The following TOM1 variants were observed in gnomAD, a reference collection of about 807,000 sequenced individuals.
TOM1 encodes the protein target of Myb protein 1.
Under a neutral mutation model 61.3 loss-of-function variants are expected in TOM1, and 38 were observed. That is an observed-to-expected ratio of 0.62 (90% CI 0.48 to 0.81). The LOEUF is 0.81. TOM1 is among the 40% of genes least tolerant of loss of function. The pLI, the probability that TOM1 is intolerant of heterozygous loss-of-function variation, is 0.00. For synonymous variants in TOM1, 270 were observed against 268.8 expected, an observed-to-expected ratio of 1.00 and a Z score of -0.04; for missense variants, 591 against 659.6, an observed-to-expected ratio of 0.90 and a Z score of 1.14.
At chr22:35,310,570 G>A (rs1264411942) in intron 1 of TOM1, among the ~76,000 whole-genome samples, 1 of 152,244 alleles carries the variant, frequency 6.6e-6, no homozygotes, top group Non-Finnish European at 1.5e-5. Flanking sequence ...AATGTATTCA[G>A]AGGATTGCAA....
At chr22:35,321,372 G>A (rs1469209546) in intron 2 of TOM1, among the ~76,000 whole-genome samples, 1 of 149,646 alleles carries the variant, frequency 6.7e-6, no homozygotes, top group Non-Finnish European at 1.5e-5. Flanking sequence ...TTGTTTTTTT[G>A]AGACAGGGTC....
chr22:35,343,684 C>A (rs1930206475), intron 12 of TOM1, among the ~76,000 whole-genome samples: 1 of 136,784 alleles, frequency 7.3e-6, no homozygotes, highest in African/African-American at 2.7e-5. Flanking sequence ...ACACACACCA[C>A]ACCTACACAC....
chr22:35,345,344 G>A (rs1490210094), intron 12 of TOM1: 1 of 272,200 alleles, frequency 3.7e-6, no homozygotes, highest in Admixed American at 4.4e-5. Flanking sequence ...CCCTGGGCTT[G>A]GCGTGTCTTT....
At chr22:35,325,962 G>A (rs891865494) in intron 6 of TOM1, among the ~76,000 whole-genome samples, 1 of 152,198 alleles carries the variant, frequency 6.6e-6, no homozygotes, top group Non-Finnish European at 1.5e-5. Context: ...CATACCAAGA[G>A]TGTTCATTAA....
At chr22:35,305,360 G>T (rs1228893998) in intron 1 of TOM1, among the ~76,000 whole-genome samples, 2 of 152,184 alleles carry the variant, frequency 1.3e-5, no homozygotes, top group Non-Finnish European at 2.9e-5. Flanking sequence ...ATGCCAGAGG[G>T]AAGAAAGAAA....
At chr22:35,301,593 A>C (rs1275239357) in intron 1 of TOM1, among the ~76,000 whole-genome samples, 1 of 152,212 alleles carries the variant, frequency 6.6e-6, no homozygotes, top group Non-Finnish European at 1.5e-5. Flanking sequence ...GGAAAACTTT[A>C]AGATGAGACA....
intron 8 of TOM1, chr22:35,331,272 CTTTTT>C: frequency 2.5e-6 from 1 of 400,170 alleles, no homozygotes; most frequent in South Asian, 1.8e-5. Context: ...ATTTTCTTTT[CTTTTT>C]TTTTTTTTCT....
intron 12 of TOM1, among the ~76,000 whole-genome samples, chr22:35,341,805 G>T (rs1027995945): frequency 1.3e-5 from 2 of 152,244 alleles, no homozygotes; most frequent in East Asian, 3.9e-4. Flanking sequence ...CTGATAAACC[G>T]GTTATCACTG....
rs1223516803 is a variant in TOM1, at chr22:35,323,223, T to C, written c.366+46T>C. ...GGGCACGGCCAGGAAGAGCTGTCAG[T>C]GCAGGAGCTTCCTGCCCAGTGGAGA... On this transcript the variant is annotated intron_variant, in intron 4 of 14. Coordinates refer to ENST00000449058, the MANE Select transcript of TOM1 (RefSeq NM_005488.3). The surrounding 1 kb of genome is among the most constrained non-coding windows in gnomAD (Gnocchi z 4.2). The C allele has an allele frequency of 1.2e-6, 2 of 1,603,138 alleles. No homozygotes were observed. The highest frequency in any genetic ancestry group is 1.7e-5 in the Admixed American group (1 of 58,960).
intron 1 of TOM1, among the ~76,000 whole-genome samples, chr22:35,307,626 A>AGACAGAGGTTGGGGGGTAGACAGGTCC (rs1926438536): frequency 6.6e-6 from 1 of 152,214 alleles, no homozygotes; most frequent in Non-Finnish European, 1.5e-5. Context: ...ACCACTGTGC[A>AGACAGAGGTTGGGGGGTAGACAGGTCC]AGCCCTGAGG....
At chr22:35,300,237 C>T (rs1295863325) in intron 1 of TOM1, among the ~76,000 whole-genome samples, 2 of 152,248 alleles carry the variant, frequency 1.3e-5, no homozygotes, top group African/African-American at 4.8e-5. Context: ...ATGCCCACGG[C>T]GCAGCCAATG....
At chr22:35,340,512 C>T (rs964116894) in intron 12 of TOM1, among the ~76,000 whole-genome samples, 1 of 151,390 alleles carries the variant, frequency 6.6e-6, no homozygotes, top group Non-Finnish European at 1.5e-5. Flanking sequence ...TTTAGGAGGC[C>T]GAGGTGGGCA....
chr22:35,307,178 T>G (rs752986404), intron 1 of TOM1, among the ~76,000 whole-genome samples: 30 of 152,202 alleles, frequency 2.0e-4, no homozygotes, highest in Admixed American at 1.0e-3. Context: ...AACTTCTGTC[T>G]TTCATGTAGC....
At chr22:35,314,836 G>A (rs1601675813) in intron 1 of TOM1, among the ~76,000 whole-genome samples, 3 of 152,254 alleles carry the variant, frequency 2.0e-5, no homozygotes, top group Non-Finnish European at 4.4e-5. Context: ...CCTTACCTCT[G>A]TGTGCCCTTT....
At chr22:35,333,086 T>C in intron 9 of TOM1, 72 bp downstream of exon 9, 1 of 1,508,520 alleles carries the variant, frequency 6.6e-7, no homozygotes, top group Non-Finnish European at 9.2e-7. Flanking sequence ...CTCACCTCCC[T>C]CCCCTAGTAA....
chr22:35,333,629 A>G (rs2145692220), intron 10 of TOM1, 132 bp downstream of exon 10: 1 of 803,662 alleles, frequency 1.2e-6, no homozygotes, highest in East Asian at 2.7e-5. Context: ...CTGGGGTCCC[A>G]GGCTGAATCT....
intron 1 of TOM1, among the ~76,000 whole-genome samples, chr22:35,302,233 A>G (rs1479364303): frequency 6.6e-6 from 1 of 151,356 alleles, no homozygotes; most frequent in Non-Finnish European, 1.5e-5. Context: ...CTTGTTAAAT[A>G]ATGTCGGGGC....
chr22:35,314,949 G>A (rs1927157516), intron 1 of TOM1, among the ~76,000 whole-genome samples: 1 of 152,260 alleles, frequency 6.6e-6, no homozygotes, highest in South Asian at 2.1e-4. Flanking sequence ...CATGTGAACA[G>A]CTAATGCTGC....
At chr22:35,315,121 G>A (rs1927170769) in intron 1 of TOM1, among the ~76,000 whole-genome samples, 2 of 152,140 alleles carry the variant, frequency 1.3e-5, no homozygotes, top group Admixed American at 6.5e-5. Flanking sequence ...TGGAGAATGG[G>A]TGGGAGGAGG....
Sources: gnomAD v4.1 joint callset for allele counts (sites outside exome capture counted in the v4.1 genomes callset) on GRCh38, gnomAD v4.1.1 for gene constraint, Gnocchi (gnomAD v3.1) non-coding constraint, MANE v1.5 for transcripts, NCBI Gene and HGNC (gene_info 2026-07-23, HGNC 2026-07-21) for gene names.